REPS2: variants seen among roughly 807,000 people sequenced by gnomAD.
REPS2 encodes RALBP1 associated Eps domain containing 2, also known as ralBP1-associated Eps domain-containing protein 2.
REPS2 carries 23 observed loss-of-function variants against 53.6 expected under a neutral mutation model. The observed-to-expected ratio is 0.43, with a 90% CI of 0.31 to 0.61. The LOEUF is 0.61. Ranked by LOEUF, REPS2 falls within the 20% of genes least tolerant of loss-of-function variation. The pLI is 0.11. For missense variants in REPS2, 446 were observed against 534.9 expected, an observed-to-expected ratio of 0.83 and a Z score of 1.64; for synonymous variants, 238 against 218.6, an observed-to-expected ratio of 1.09 and a Z score of -0.78.
At chrX:16,951,529 A>ACACACACACACC (rs2060506361) in intron 1 of REPS2, among the ~76,000 whole-genome samples, 1 of 53,225 alleles carries the variant, frequency 1.9e-5, no homozygotes, top group Non-Finnish European at 4.3e-5. Context: ...ACACACACAC[A>ACACACACACACC]CACACACACA....
At chrX:17,128,346 T>C (rs2063244187) in intron 14 of REPS2, among the ~76,000 whole-genome samples, 1 of 106,408 alleles carries the variant, frequency 9.4e-6, no homozygotes, top group Non-Finnish European at 1.9e-5. Context: ...TAACCCTGTT[T>C]GAGACAGGGG....
At chrX:16,964,707 G>T (rs368391151) in intron 1 of REPS2, among the ~76,000 whole-genome samples, 188 of 98,573 alleles carry the variant, frequency 1.9e-3, no homozygotes, top group African/African-American at 6.5e-3. Context: ...CCGGGCAGAG[G>T]GGCTCCTCAC....
intron 14 of REPS2, among the ~76,000 whole-genome samples, chrX:17,121,767 A>T (rs1171262222): frequency 9.1e-6 from 1 of 110,289 alleles, no homozygotes. Context: ...GCTGGAGTGC[A>T]GTGGCATGAT....
chrX:17,042,891 G>A lies in REPS2; in HGVS notation c.772-4456G>A, dbSNP rs189988264. Among the ~76,000 whole-genome samples the A allele has an allele frequency of 8.2e-4, 87 of 105,924 alleles. 1 individual carries two copies. Among genetic ancestry groups the A allele is most frequent in the Admixed American group, 3.2e-3 (32 of 10,157 alleles). The allele number at this position is 105,924 out of a possible 115,157, so 92.0% of individuals were successfully genotyped here. A position where few individuals can be genotyped will look rare whatever the true frequency, so the allele number is the denominator to read the frequency against. The stretch of plus-strand genomic sequence containing the variant: ...GCTCACTGCAGCCTTGACCTCCTGC[G>A]CTCAGGTGACTCTCGCACCTCAGCC... On this transcript the variant is annotated intron_variant, in intron 5 of 17. Coordinates refer to ENST00000357277, the MANE Select transcript of REPS2 (RefSeq NM_004726.3).
Position 17,006,206 on chromosome X carries a change from C to A in REPS2, c.274-15C>A. 8.3e-7 allele frequency: 1 copy of A among 1,206,705 alleles called. No individual in the cohort carries two copies. Among genetic ancestry groups the A allele is most frequent in the Non-Finnish European group, 1.1e-6 (1 of 892,582 alleles). ...AAATTGGGTGTTCAGCATTGTTTTT[C>A]TTGTCTGTTCTCAGATCACAGAACT... On this transcript the variant is annotated splice_polypyrimidine_tract_variant and intron_variant, in intron 1 of 17. Transcript: ENST00000357277.
intron 1 of REPS2, among the ~76,000 whole-genome samples, chrX:16,964,337 G>A (rs1007285843): frequency 7.3e-5 from 8 of 109,444 alleles, no homozygotes; most frequent in Non-Finnish European, 9.5e-5. Context: ...AGAGAGCACC[G>A]GGTTGGGGGT....
At chrX:16,947,509 C>CCTCCCT (rs1437960506) in intron 1 of REPS2, among the ~76,000 whole-genome samples, 1 of 111,726 alleles carries the variant, frequency 9.0e-6, no homozygotes, top group Non-Finnish European at 1.9e-5. Flanking sequence ...TGCTCCTGCC[C>CCTCCCT]CTCCCTCTCC....
chrX:17,080,320 A>C (rs1602952350), intron 13 of REPS2, among the ~76,000 whole-genome samples: 8 of 70,475 alleles, frequency 1.1e-4, no homozygotes, highest in Admixed American at 1.9e-4. Context: ...CTCTCTCTCC[A>C]CCCCGACCCC....
At chrX:17,127,940 C>A (rs2148128673) in intron 14 of REPS2, among the ~76,000 whole-genome samples, 1 of 111,826 alleles carries the variant, frequency 8.9e-6, no homozygotes, top group African/African-American at 3.3e-5. Context: ...TGGCAGGAGG[C>A]CTCACTTCTT....
At chrX:17,180,356 G>A in the REPS2 span, among the ~76,000 whole-genome samples, 1 of 111,209 alleles carries the variant, frequency 9.0e-6, no homozygotes, top group Admixed American at 9.6e-5. Flanking sequence ...TTGAATCCCA[G>A]ATCTGCTATA....
chrX:17,172,104 C>A, the REPS2 span, among the ~76,000 whole-genome samples: 1 of 111,639 alleles, frequency 9.0e-6, no homozygotes, highest in Non-Finnish European at 1.9e-5. Flanking sequence ...ATACAAAGGC[C>A]AAATAATTTG....
intron 9 of REPS2, among the ~76,000 whole-genome samples, chrX:17,065,135 G>A (rs754326409): frequency 8.9e-5 from 10 of 112,180 alleles, no homozygotes; most frequent in African/African-American, 2.9e-4. Context: ...GTTCTCTCGA[G>A]TGTATACCTA....
chrX:17,194,474 A>G, the REPS2 span, among the ~76,000 whole-genome samples: 1 of 111,996 alleles, frequency 8.9e-6, no homozygotes, highest in Non-Finnish European at 1.9e-5. Context: ...CAAAAACCCA[A>G]TCTTAAAAAG....
chrX:17,163,413 T>C, the REPS2 span, among the ~76,000 whole-genome samples: 2 of 111,146 alleles, frequency 1.8e-5, no homozygotes, highest in Non-Finnish European at 3.8e-5. Context: ...AGAAAACAGA[T>C]AAAGGGGCAG....
chrX:17,131,205 T>G (rs1223541773), intron 14 of REPS2, among the ~76,000 whole-genome samples: 2 of 110,690 alleles, frequency 1.8e-5, no homozygotes, highest in African/African-American at 3.3e-5. Flanking sequence ...AATCCTACAT[T>G]TGAGGGATAA....
chrX:16,980,434 T>G (rs1294601191), intron 1 of REPS2, among the ~76,000 whole-genome samples: 2 of 110,916 alleles, frequency 1.8e-5, no homozygotes, highest in Non-Finnish European at 3.8e-5. Context: ...TCCCGAGTAG[T>G]TGGGACTACG....
At chrX:16,963,072 C>G (rs2060685989) in intron 1 of REPS2, among the ~76,000 whole-genome samples, 1 of 111,321 alleles carries the variant, frequency 9.0e-6, no homozygotes, top group South Asian at 3.8e-4. Context: ...GCACTCCAGC[C>G]TGCGTGACAG....
At chrX:17,100,668 GC>G (rs2062779421) in intron 13 of REPS2, among the ~76,000 whole-genome samples, 1 of 112,507 alleles carries the variant, frequency 8.9e-6, no homozygotes, top group East Asian at 2.8e-4. Context: ...AGACAAGAAT[GC>G]CCATTATCAC....
intron 14 of REPS2, among the ~76,000 whole-genome samples, chrX:17,110,691 TCAAACAAA>T (rs112473755): frequency 1.0e-4 from 11 of 107,192 alleles, no homozygotes; most frequent in South Asian, 4.1e-4. Context: ...AAACTCTGTC[TCAAACAAA>T]CAAACAAACA....
Sources: allele counts gnomAD v4.1 joint callset (sites outside exome capture counted in the v4.1 genomes callset), GRCh38; gene constraint gnomAD v4.1.1; transcripts MANE v1.5; gene names NCBI Gene and HGNC (gene_info 2026-07-23, HGNC 2026-07-21).